The following ADAMTS17 variants were observed in gnomAD, a reference collection of about 807,000 sequenced individuals.
The protein encoded by ADAMTS17 is ADAM metallopeptidase with thrombospondin type 1 motif 17.
ADAMTS17 carries 113 observed loss-of-function variants against 141.5 expected under a neutral mutation model. The ratio of observed to expected loss-of-function variants is 0.80; its 90% CI spans 0.69 to 0.93. The LOEUF (loss-of-function observed/expected upper bound fraction) is 0.93. ADAMTS17 is among the 40% of genes least tolerant of loss of function. The pLI is 0.00. For missense variants in ADAMTS17, 1,659 were observed against 1,517.9 expected (o/e 1.09, Z -1.54); for synonymous variants, 768 against 630.6 (o/e 1.22, Z -3.27).
At chr15:100,201,050 A>G (rs1020432830) in intron 7 of ADAMTS17, among the ~76,000 whole-genome samples, 16 of 152,064 alleles carry the variant, frequency 1.1e-4, no homozygotes, top group African/African-American at 3.9e-4. Flanking sequence ...ATTAAAAATG[A>G]CCCCTCCTTC....
chr15:100,087,758 T>C (rs546973632), intron 15 of ADAMTS17, among the ~76,000 whole-genome samples: 3 of 152,336 alleles, frequency 2.0e-5, no homozygotes, highest in South Asian at 4.1e-4. Context: ...TCTCAATAGA[T>C]GCAGAAAAGG....
intron 15 of ADAMTS17, among the ~76,000 whole-genome samples, chr15:100,073,439 T>A (rs1290917400): frequency 6.6e-6 from 1 of 152,154 alleles, no homozygotes; most frequent in East Asian, 1.9e-4. Context: ...TTATAAATCA[T>A]GCTGTTATAA....
chr15:100,255,437 G>A (rs1298839567), intron 6 of ADAMTS17, among the ~76,000 whole-genome samples: 5 of 152,118 alleles, frequency 3.3e-5, no homozygotes, highest in African/African-American at 1.2e-4. Flanking sequence ...AGATGAAAAG[G>A]CCTAGAGACT....
At chr15:100,109,799 C>A (rs902099018) in intron 13 of ADAMTS17, among the ~76,000 whole-genome samples, 6 of 152,116 alleles carry the variant, frequency 3.9e-5, no homozygotes, top group Non-Finnish European at 8.8e-5. Flanking sequence ...GCCCGGTGTG[C>A]GCTCTCTGCC....
In ADAMTS17 at chr15:100,025,250, A is replaced by C. The variant is rs542419646; in HGVS notation, c.2591+23607T>G. On this transcript the variant is annotated intron_variant, in intron 18 of 21. Transcript: ENST00000268070. ...TTTGGCTTGAAGTCTATTTTGTCTA[A>C]AGTTAGGATTGCTACCTCTGCTCTC... Among the ~76,000 whole-genome samples, 14 of 152,162 alleles carry C rather than the reference A, an allele frequency of 9.2e-5. No homozygotes were observed. In the East Asian group the frequency reaches 2.7e-3, roughly 29 times the overall value.
At chr15:100,016,028 A>G (rs937694036) in intron 18 of ADAMTS17, among the ~76,000 whole-genome samples, 2 of 152,212 alleles carry the variant, frequency 1.3e-5, no homozygotes. Flanking sequence ...GTTGTTTAAC[A>G]TAATCCCAGA....
chr15:100,006,819 A>G (rs2061044997), intron 18 of ADAMTS17, among the ~76,000 whole-genome samples: 1 of 152,234 alleles, frequency 6.6e-6, no homozygotes, highest in African/African-American at 2.4e-5. Context: ...CATCTGTTAG[A>G]GACAGGCCAA....
chr15:100,248,797 T>C (rs1443386043), intron 7 of ADAMTS17, among the ~76,000 whole-genome samples: 2 of 147,400 alleles, frequency 1.4e-5, no homozygotes, highest in Non-Finnish European at 3.0e-5. Flanking sequence ...GTCCTTCTGG[T>C]GTTAATTTTT....
At chr15:100,125,504 T>G (rs2037685292) in intron 12 of ADAMTS17, among the ~76,000 whole-genome samples, 2 of 152,272 alleles carry the variant, frequency 1.3e-5, no homozygotes, top group Non-Finnish European at 2.9e-5. Flanking sequence ...ATGACCCTGC[T>G]GTGTCCCAGC....
intron 15 of ADAMTS17, among the ~76,000 whole-genome samples, chr15:100,076,045 CT>C (rs59617672): frequency 0.032 from 4,818 of 151,288 alleles, 275 homozygotes; most frequent in African/African-American, 0.11. Flanking sequence ...TATTTTCTTT[CT>C]TTTTTTTTGT....
chr15:100,218,772 A>G (rs4965595), intron 7 of ADAMTS17, among the ~76,000 whole-genome samples: 50,008 of 152,108 alleles, frequency 0.33, 8,544 homozygotes, highest in East Asian at 0.45. Flanking sequence ...AAACTCAAAC[A>G]TGAATATTTA....
intron 21 of ADAMTS17, among the ~76,000 whole-genome samples, chr15:99,975,787 C>T (rs2060310493): frequency 6.6e-6 from 1 of 152,234 alleles, no homozygotes; most frequent in Non-Finnish European, 1.5e-5. Context: ...GTGGAACATT[C>T]TCCTGTGTTG....
At chr15:100,106,906 G>T (rs1465369992) in intron 14 of ADAMTS17, among the ~76,000 whole-genome samples, 1 of 152,216 alleles carries the variant, frequency 6.6e-6, no homozygotes, top group Non-Finnish European at 1.5e-5. Context: ...TTTGTTACAA[G>T]AAAGCAGCCA....
Position 100,233,420 on chromosome 15 carries a change from C to G in ADAMTS17, c.1075+20716G>C, listed in dbSNP as rs185954882. Reference sequence around the variant, plus strand: ...TGGTCAACAGGAGTCACAAACGGAACTGGAAATTCCCTAGCACTGTGTCCT... The same window carrying G: ...TGGTCAACAGGAGTCACAAACGGAAGTGGAAATTCCCTAGCACTGTGTCCT... On this transcript the variant is annotated intron_variant, in intron 7 of 21. Transcript: ENST00000268070. Among the ~76,000 whole-genome samples the G allele has an allele frequency of 2.6e-5, 4 of 152,196 alleles. No homozygotes were observed. The South Asian group carries it at 6.2e-4, about 24-fold the overall frequency.
At chr15:100,029,369 G>A (rs542295242) in intron 18 of ADAMTS17, among the ~76,000 whole-genome samples, 29 of 152,266 alleles carry the variant, frequency 1.9e-4, no homozygotes, top group African/African-American at 7.0e-4. Flanking sequence ...CAAAATGGCC[G>A]TTGCTTCCCA....
At chr15:100,299,055 G>A (rs76267888) in intron 3 of ADAMTS17, among the ~76,000 whole-genome samples, 2 of 151,978 alleles carry the variant, frequency 1.3e-5, no homozygotes, top group East Asian at 3.9e-4. Context: ...TTTTGTCTAA[G>A]GACACCGGTC....
chr15:100,304,162 G>C (rs895376559), intron 3 of ADAMTS17, among the ~76,000 whole-genome samples: 4 of 152,114 alleles, frequency 2.6e-5, no homozygotes, highest in African/African-American at 7.2e-5. Flanking sequence ...GAACCTCTCA[G>C]GTAGCTAAAA....
chr15:100,298,652 G>GACC (rs1326920349), intron 3 of ADAMTS17, among the ~76,000 whole-genome samples: 1 of 152,142 alleles, frequency 6.6e-6, no homozygotes, highest in East Asian at 1.9e-4. Context: ...AACAAAGCTG[G>GACC]ACCACCAAGT....
chr15:99,987,851 T>A (rs2060621495), intron 20 of ADAMTS17, among the ~76,000 whole-genome samples: 1 of 151,850 alleles, frequency 6.6e-6, no homozygotes, highest in Non-Finnish European at 1.5e-5. Context: ...AGCCCCCAAC[T>A]CTCCTGGGTG....
Sources: allele counts gnomAD v4.1 joint callset (sites outside exome capture counted in the v4.1 genomes callset), GRCh38; gene constraint gnomAD v4.1.1; transcripts MANE v1.5; gene names NCBI Gene and HGNC (gene_info 2026-07-23, HGNC 2026-07-21).